Variants in ZFHX3 observed in about 807,000 individuals in gnomAD.
ZFHX3 encodes the protein zinc finger homeobox protein 3.
A neutral mutation model predicts 279.1 loss-of-function variants in ZFHX3; 42 were observed. The observed-to-expected ratio is 0.15, with a 90% CI of 0.12 to 0.19. The LOEUF (loss-of-function observed/expected upper bound fraction) is 0.19. ZFHX3 is among the 10% of genes least tolerant of loss of function. The pLI, the probability that ZFHX3 is intolerant of heterozygous loss-of-function variation, is 1.00. For missense variants in ZFHX3, 4,981 were observed against 4,754.0 expected (o/e 1.05, Z -1.40); for synonymous variants, 2,293 against 1,957.8 (o/e 1.17, Z -4.52).
At chr16:73,363,914 T>C (rs1278321865) in intron 3 of ZFHX3, among the ~76,000 whole-genome samples, 7 of 152,190 alleles carry the variant, frequency 4.6e-5, no homozygotes, top group Non-Finnish European at 8.8e-5. Flanking sequence ...AGCTCATGCC[T>C]GTAATCCCCG....
At chr16:72,789,820 T>G (rs2035619379) in intron 9 of ZFHX3, 1 of 152,194 alleles carries the variant, frequency 6.6e-6, no homozygotes, top group African/African-American at 2.4e-5. Context: ...TGCCCCTGTT[T>G]GAATGATACA....
intron 4 of ZFHX3, among the ~76,000 whole-genome samples, chr16:73,270,479 C>T (rs2014111065): frequency 6.6e-6 from 1 of 152,150 alleles, no homozygotes; most frequent in Non-Finnish European, 1.5e-5. Context: ...CTCCATCGCC[C>T]ACAGCACCCA....
chr16:73,059,666 A>G (rs1208704887), exon 1 of ZFHX3: 1 of 152,104 alleles, frequency 6.6e-6, no homozygotes, highest in African/African-American at 2.4e-5. Context: ...TAAGTGAAAG[A>G]GCAGAGACTT....
chr16:73,661,280 T>C (rs983908248), intron 2 of ZFHX3, among the ~76,000 whole-genome samples: 3 of 152,072 alleles, frequency 2.0e-5, no homozygotes, highest in Non-Finnish European at 2.9e-5. Flanking sequence ...TTTGCCTCAA[T>C]TGTAAAAAAC....
intron 4 of ZFHX3, among the ~76,000 whole-genome samples, chr16:73,306,940 C>T (rs1361849820): frequency 2.6e-5 from 4 of 152,200 alleles, no homozygotes; most frequent in Non-Finnish European, 2.9e-5. Context: ...TAAATGAAAA[C>T]CTTCACTGAT....
intron 5 of ZFHX3, among the ~76,000 whole-genome samples, chr16:73,184,914 G>C (rs1464042353): frequency 6.6e-6 from 1 of 152,160 alleles, no homozygotes. Flanking sequence ...GTAGGAACCA[G>C]GCTGGTGAGA....
intron 3 of ZFHX3, among the ~76,000 whole-genome samples, chr16:72,932,041 T>C (rs763021265): frequency 7.2e-5 from 11 of 152,218 alleles, no homozygotes; most frequent in Admixed American, 1.3e-4. Context: ...AGAGTGAATA[T>C]GCACTAGCTT....
At chr16:73,422,582 G>T (rs946794618) in intron 3 of ZFHX3, among the ~76,000 whole-genome samples, 1 of 152,128 alleles carries the variant, frequency 6.6e-6, no homozygotes, top group African/African-American at 2.4e-5. Context: ...CTTCCCAGAG[G>T]TCAGTGGCCT....
At chr16:73,286,287 C>G (rs1353400094) in intron 4 of ZFHX3, among the ~76,000 whole-genome samples, 1 of 152,174 alleles carries the variant, frequency 6.6e-6, no homozygotes, top group Non-Finnish European at 1.5e-5. Context: ...AGGAATAAAC[C>G]TGATTTTCAA....
At chr16:73,463,155 T>C (rs536309918) in intron 2 of ZFHX3, among the ~76,000 whole-genome samples, 2 of 152,342 alleles carry the variant, frequency 1.3e-5, no homozygotes, top group South Asian at 4.1e-4. Context: ...GATTGAACCC[T>C]GATACCTTAA....
chr16:73,315,299 A>G (rs886647017), intron 4 of ZFHX3, among the ~76,000 whole-genome samples: 78 of 152,248 alleles, frequency 5.1e-4, no homozygotes, highest in African/African-American at 1.8e-3. Context: ...AGCTTCCCCT[A>G]TGTGGTGGAA....
intron 4 of ZFHX3, among the ~76,000 whole-genome samples, chr16:72,863,340 TAAA>T (rs66692129): frequency 1.5e-4 from 10 of 64,626 alleles, no homozygotes; most frequent in African/African-American, 2.2e-4. Flanking sequence ...TCATCTCTAC[TAAA>T]AAAAAAAAAA....
rs775227750 is a variant in ZFHX3 at position 72,794,361 on chromosome 16, G to A, written c.8321C>T (p.Pro2774Leu). 6.2e-7 allele frequency: 1 copy of A among 1,602,672 alleles called. No individual in the cohort carries two copies. The highest frequency in any genetic ancestry group is 2.2e-5 in the East Asian group (1 of 44,764). ...IFDGTSFSHL[P>L]PSSSDGQGVP... ...ACCCTGACCATCACTACTGCTTGGGGGTAGGTGGGAAAAGCTAGTTCCGTC... is the reference window on the plus strand; with the variant it reads ...ACCCTGACCATCACTACTGCTTGGGAGTAGGTGGGAAAAGCTAGTTCCGTC... Residue 2774 changes from proline (P) to leucine (L), a missense_variant, in exon 9 of 10, where the codon CCC becomes CTC. By Grantham distance (98) the Pro-to-Leu change is moderately conservative. Around this residue, in one of 7 missense-constraint regions of ZFHX3, gnomAD observed 744 missense variants for 701.3 expected, o/e 1.06. Transcript: ENST00000268489. This position sits in a 1 kb window ranked among gnomAD's most constrained non-coding sequence, Gnocchi z 4.2.
chr16:73,088,142 A>T (rs1966030275), intron 8 of ZFHX3, among the ~76,000 whole-genome samples: 1 of 149,414 alleles, frequency 6.7e-6, no homozygotes, highest in African/African-American at 2.5e-5. Context: ...CTTTCATTTC[A>T]TTTTTTTTTT....
At chr16:72,948,252 C>T (rs1960801834) in intron 3 of ZFHX3, among the ~76,000 whole-genome samples, 1 of 152,226 alleles carries the variant, frequency 6.6e-6, no homozygotes, top group South Asian at 2.1e-4. Context: ...AGGCTGGTCA[C>T]TCCGGGGATG....
chr16:73,587,635 G>A (rs1261920789), intron 2 of ZFHX3, among the ~76,000 whole-genome samples: 1 of 152,156 alleles, frequency 6.6e-6, no homozygotes, highest in Non-Finnish European at 1.5e-5. Flanking sequence ...CACCAGACTT[G>A]TATCCAATGT....
intron 3 of ZFHX3, among the ~76,000 whole-genome samples, chr16:72,907,295 T>C (rs1413627121): frequency 6.6e-6 from 1 of 152,162 alleles, no homozygotes; most frequent in Non-Finnish European, 1.5e-5. Context: ...TATAATGGTC[T>C]TTCTTCCGGC....
intron 5 of ZFHX3, among the ~76,000 whole-genome samples, chr16:72,828,580 T>G (rs923863878): frequency 7.2e-5 from 11 of 152,186 alleles, no homozygotes; most frequent in African/African-American, 2.7e-4. Flanking sequence ...TTTCAGCACA[T>G]GAGTGCTCAC....
intron 2 of ZFHX3, among the ~76,000 whole-genome samples, chr16:73,653,139 T>C (rs2142167517): frequency 6.6e-6 from 1 of 152,228 alleles, no homozygotes; most frequent in East Asian, 1.9e-4. Flanking sequence ...TACTTTATTG[T>C]AATAAAGATT....
Sources: allele counts gnomAD v4.1 joint callset (sites outside exome capture counted in the v4.1 genomes callset), GRCh38; gene constraint gnomAD v4.1.1; regional missense constraint gnomAD v4.1.1; non-coding constraint Gnocchi (gnomAD v3.1); transcripts MANE v1.5; gene names NCBI Gene and HGNC (gene_info 2026-07-23, HGNC 2026-07-21).